NEK1: variants seen among roughly 807,000 people sequenced by gnomAD.
NEK1 encodes serine/threonine-protein kinase Nek1.
In NEK1, 137 loss-of-function variants were observed where a neutral mutation model predicts 182.1. That is an observed-to-expected ratio of 0.75 (90% CI 0.65 to 0.87). NEK1 has a LOEUF of 0.87. Ranked by LOEUF, NEK1 falls within the 40% of genes least tolerant of loss-of-function variation. The pLI, the probability that NEK1 is intolerant of heterozygous loss-of-function variation, is 0.00. For synonymous variants in NEK1, 513 were observed against 492.2 expected (o/e 1.04, Z -0.56); for missense variants, 1,391 against 1,494.4 (o/e 0.93, Z 1.14).
chr4:169,503,214 A>C (rs1723045303), intron 23 of NEK1, among the ~76,000 whole-genome samples: 1 of 152,186 alleles, frequency 6.6e-6, no homozygotes, highest in South Asian at 2.1e-4. Flanking sequence ...AACACTGATG[A>C]AGAAAATCAT....
At chr4:169,602,792 A>G (rs954071834) in intron 2 of NEK1, 114 bp from the exon 3 acceptor site, 1 of 544,116 alleles carries the variant, frequency 1.8e-6, no homozygotes, top group African/African-American at 1.9e-5. Context: ...ATTTTAAAAA[A>G]GGATATTTAA....
chr4:169,583,609 C>T (rs1338392163), intron 10 of NEK1, among the ~76,000 whole-genome samples: 23 of 152,176 alleles, frequency 1.5e-4, no homozygotes. Context: ...AATTCCAGTA[C>T]TTCAGCCTTG....
At chr4:169,498,129 C>T (rs1019972009) in intron 23 of NEK1, among the ~76,000 whole-genome samples, 4 of 152,226 alleles carry the variant, frequency 2.6e-5, no homozygotes, top group African/African-American at 9.6e-5. Flanking sequence ...GTTAGCTCTT[C>T]TTGTTGAATT....
At position 169,426,232 on chromosome 4, in the gene NEK1, G is replaced by A. The variant is rs755190149; in HGVS notation, c.2888C>T (p.Ser963Leu). The change falls in exon 30 of 36, where the codon TCG becomes TTG. Residue 963 changes from serine to leucine, a missense_variant and splice_region_variant. By Grantham distance (145) the Ser-to-Leu change is moderately radical. Transcript: ENST00000507142. ...SEEKETKETQ[S>L]ADRITIQENE... Reference sequence around the variant, plus strand: ...TTCCTGAATGGTGATCCTATCTGCCGACCTGCCACAGATGGGTACACCAAT... The same window carrying A: ...TTCCTGAATGGTGATCCTATCTGCCAACCTGCCACAGATGGGTACACCAAT... 28 of 1,612,246 alleles carry A rather than the reference G, an allele frequency of 1.7e-5. No individual in the cohort carries two copies. Among genetic ancestry groups the A allele is most frequent in the South Asian group, 9.9e-5 (9 of 90,638 alleles).
chr4:169,482,208 G>T (rs188589779), intron 23 of NEK1, among the ~76,000 whole-genome samples: 3 of 152,318 alleles, frequency 2.0e-5, no homozygotes, highest in South Asian at 4.1e-4. Flanking sequence ...TGGCCAAAGA[G>T]AATGTTGCGG....
intron 19 of NEK1, among the ~76,000 whole-genome samples, chr4:169,527,213 T>A (rs575889728): frequency 4.4e-4 from 67 of 152,236 alleles, no homozygotes; most frequent in African/African-American, 1.6e-3. Context: ...GAATATTACA[T>A]CCTGTGAAAA....
At chr4:169,423,801 A>G (rs1323062983) in intron 31 of NEK1, among the ~76,000 whole-genome samples, 1 of 152,214 alleles carries the variant, frequency 6.6e-6, no homozygotes, top group African/African-American at 2.4e-5. Flanking sequence ...AGATTTGTAA[A>G]AAGATTATGA....
At chr4:169,531,477 C>CAT (rs1164893645) in intron 19 of NEK1, among the ~76,000 whole-genome samples, 2 of 150,598 alleles carry the variant, frequency 1.3e-5, no homozygotes, top group African/African-American at 4.9e-5. Flanking sequence ...ATATGTATTA[C>CAT]ATATATATTA....
chr4:169,457,034 G>C (rs1743014239), intron 27 of NEK1, among the ~76,000 whole-genome samples: 1 of 152,122 alleles, frequency 6.6e-6, no homozygotes, highest in Admixed American at 6.5e-5. Flanking sequence ...GATAAAGAGA[G>C]CAGAATGGTA....
chr4:169,513,425 T>A (rs985035448), intron 19 of NEK1, among the ~76,000 whole-genome samples: 2 of 152,232 alleles, frequency 1.3e-5, no homozygotes, highest in Non-Finnish European at 1.5e-5. Flanking sequence ...ACTGATCTTG[T>A]ATCCTGCAAC....
intron 23 of NEK1, among the ~76,000 whole-genome samples, chr4:169,501,196 G>A (rs1036700495): frequency 7.9e-5 from 12 of 152,078 alleles, no homozygotes; most frequent in African/African-American, 2.9e-4. Flanking sequence ...TTAAACAAGA[G>A]GATTTAACTA....
intron 23 of NEK1, among the ~76,000 whole-genome samples, chr4:169,488,213 T>C (rs561603009): frequency 6.6e-6 from 1 of 152,324 alleles, no homozygotes; most frequent in South Asian, 2.1e-4. Flanking sequence ...TTTGTCGCTA[T>C]TGCTTTTGGC....
intron 22 of NEK1, 48 bp from the exon 23 acceptor site, chr4:169,507,180 GA>G: frequency 1.1e-6 from 1 of 893,106 alleles, no homozygotes; most frequent in Non-Finnish European, 1.6e-6. Context: ...AAGAAGGGCA[GA>G]GGTTTTTTTT....
At chr4:169,576,270 T>TA (rs1465490100) in intron 12 of NEK1, among the ~76,000 whole-genome samples, 5 of 152,168 alleles carry the variant, frequency 3.3e-5, no homozygotes, top group Admixed American at 3.3e-4. Flanking sequence ...TGACCTATGA[T>TA]AGATTTTAAA....
chr4:169,608,502 A>G (rs1402931471), intron 2 of NEK1, among the ~76,000 whole-genome samples: 1 of 152,204 alleles, frequency 6.6e-6, no homozygotes, highest in Non-Finnish European at 1.5e-5. Context: ...AACATGGGAG[A>G]ATGACTTCTG....
chr4:169,474,797 T>G (rs940636363), intron 26 of NEK1, among the ~76,000 whole-genome samples: 1 of 152,212 alleles, frequency 6.6e-6, no homozygotes, highest in African/African-American at 2.4e-5. Context: ...CTTTTAAATA[T>G]CTCCTCTTTA....
At position 169,555,947 on chromosome 4, in the gene NEK1, C is replaced by T. The variant is rs371400202; in HGVS notation, c.1415G>A (p.Arg472Gln). 8.7e-6 allele frequency: 14 copies of T among 1,613,560 alleles called. No homozygotes were observed. The highest frequency in any genetic ancestry group is 1.2e-5 in the Non-Finnish European group (14 of 1,179,724). The part of the protein sequence containing the change: ...EAKWKREIYG[R>Q]GLPERGILPG... ...ATAGCCATACCTTTCTGGAAGACCT[C>T]GACCATATATTTCTCTTTTCCATTT... Residue 472 changes from arginine to glutamine, a missense_variant, in exon 17 of 36, where the codon CGA becomes CAA. By Grantham distance (43) the Arg-to-Gln change is conservative (BLOSUM62 1). This residue lies in a region of NEK1 where 1,216 missense variants were observed against 1,277.6 expected (regional missense o/e 0.95). Coordinates refer to ENST00000507142, the MANE Select transcript of NEK1 (RefSeq NM_001199397.3).
At chr4:169,522,569 T>A (rs531551222) in intron 19 of NEK1, among the ~76,000 whole-genome samples, 1 of 152,378 alleles carries the variant, frequency 6.6e-6, no homozygotes, top group African/African-American at 2.4e-5. Flanking sequence ...TGAAAACTTG[T>A]GATACTCTTC....
At chr4:169,595,922 C>CAAA (rs56313001) in intron 5 of NEK1, among the ~76,000 whole-genome samples, 83 of 66,854 alleles carry the variant, frequency 1.2e-3, no homozygotes, top group East Asian at 2.4e-3. Context: ...GACTCCACCT[C>CAAA]AAAAAAAAAA....
Sources: allele counts gnomAD v4.1 joint callset (sites outside exome capture counted in the v4.1 genomes callset), GRCh38; gene constraint gnomAD v4.1.1; regional missense constraint gnomAD v4.1.1; transcripts MANE v1.5; gene names NCBI Gene and HGNC (gene_info 2026-07-23, HGNC 2026-07-21).